Variants in RABGAP1L observed in about 807,000 individuals in gnomAD.
RABGAP1L encodes rab GTPase-activating protein 1-like.
In RABGAP1L, 63 loss-of-function variants were observed where a neutral mutation model predicts 137.7. That is an observed-to-expected ratio of 0.46 (90% CI 0.37 to 0.56). The LOEUF (loss-of-function observed/expected upper bound fraction) is 0.56. Among genes scored for constraint, RABGAP1L ranks in the 20% least tolerant of loss-of-function variants. The pLI is 0.00. For synonymous variants in RABGAP1L, 431 were observed against 433.7 expected, an observed-to-expected ratio of 0.99 and a Z score of 0.08; for missense variants, 1,095 against 1,244.0, an observed-to-expected ratio of 0.88 and a Z score of 1.80.
At chr1:174,483,111 A>G (rs1659281814) in intron 13 of RABGAP1L, among the ~76,000 whole-genome samples, 1 of 152,200 alleles carries the variant, frequency 6.6e-6, no homozygotes, top group East Asian at 1.9e-4. Context: ...CACCTCAAGC[A>G]TTTATCCTTT....
intron 13 of RABGAP1L, among the ~76,000 whole-genome samples, chr1:174,539,560 G>A (rs888364583): frequency 1.6e-4 from 24 of 152,124 alleles, no homozygotes; most frequent in African/African-American, 5.1e-4. Flanking sequence ...TAAAATCCTT[G>A]TGATAGTTTG....
intron 7 of RABGAP1L, among the ~76,000 whole-genome samples, chr1:174,262,622 C>G (rs1428803352): frequency 6.6e-6 from 1 of 152,156 alleles, no homozygotes; most frequent in African/African-American, 2.4e-5. Flanking sequence ...TCTATTGCAG[C>G]TCTTTTTGAA....
rs575557415 is a variant in RABGAP1L at position 174,613,350 on chromosome 1, C to A, written c.1711-24025C>A. On this transcript the variant is annotated intron_variant, in intron 13 of 25. Transcript: ENST00000681986. ...ATTCAGGAGCAGGTTGTTCAGTTTC[C>A]ATGTAGTTGAGTGATTTTGAGTGAG... Among the ~76,000 whole-genome samples the A allele has an allele frequency of 1.9e-3, 296 of 152,184 alleles. 1 individual carries two copies. Among genetic ancestry groups the A allele is most frequent in the African/African-American group, 6.8e-3 (281 of 41,518 alleles).
At chr1:174,523,905 G>C (rs1663648254) in intron 13 of RABGAP1L, among the ~76,000 whole-genome samples, 1 of 152,074 alleles carries the variant, frequency 6.6e-6, no homozygotes, top group African/African-American at 2.4e-5. Flanking sequence ...TTCTCTACCT[G>C]GGTTATTTCA....
chr1:174,797,449 G>C lies in RABGAP1L; in HGVS notation c.2212-14383G>C, dbSNP rs372623422. ...CAAGGTAAAAATGGAGCTGAGGGGAGTGTGTGTGTGTCTAAATGTGCGTGG... is the reference window on the plus strand; with the variant it reads ...CAAGGTAAAAATGGAGCTGAGGGGACTGTGTGTGTGTCTAAATGTGCGTGG... On this transcript the variant is annotated intron_variant, in intron 18 of 25. Transcript: ENST00000681986. 7.9e-5 allele frequency among the ~76,000 whole-genome samples: 12 copies of C among 151,544 alleles called. No individual in the cohort carries two copies. In the East Asian group the frequency reaches 2.1e-3, roughly 27 times the overall value.
intron 13 of RABGAP1L, among the ~76,000 whole-genome samples, chr1:174,540,153 T>C (rs1665254907): frequency 6.6e-6 from 1 of 152,220 alleles, no homozygotes; most frequent in Admixed American, 6.5e-5. Flanking sequence ...TGATTTTTTC[T>C]TGTAAATTTG....
At chr1:174,895,417 C>CT (rs36080842) in intron 19 of RABGAP1L, among the ~76,000 whole-genome samples, 49,483 of 133,316 alleles carry the variant, frequency 0.37, 10,517 homozygotes, top group African/African-American at 0.63. Flanking sequence ...TATTCTAATT[C>CT]TTTTTTTTTT....
intron 13 of RABGAP1L, among the ~76,000 whole-genome samples, chr1:174,513,014 G>A (rs1662493162): frequency 6.6e-6 from 1 of 152,126 alleles, no homozygotes; most frequent in African/African-American, 2.4e-5. Context: ...TTCTCCCTGA[G>A]AATAAGTTTC....
intron 19 of RABGAP1L, among the ~76,000 whole-genome samples, chr1:174,856,443 C>T (rs1373706711): frequency 6.6e-6 from 1 of 151,098 alleles, no homozygotes; most frequent in African/African-American, 2.4e-5. Context: ...ACAACTTGTG[C>T]TCTTATTTTT....
chr1:174,974,857 C>A (rs1670511226), intron 21 of RABGAP1L, among the ~76,000 whole-genome samples: 1 of 152,156 alleles, frequency 6.6e-6, no homozygotes, highest in South Asian at 2.1e-4. Flanking sequence ...CTTGGCCAGT[C>A]CTCAGCAGAC....
intron 1 of RABGAP1L, among the ~76,000 whole-genome samples, chr1:174,164,191 A>G (rs2148194053): frequency 6.6e-6 from 1 of 151,956 alleles, no homozygotes; most frequent in African/African-American, 2.4e-5. Context: ...CAAATGCTAA[A>G]AACCTTGGCA....
At chr1:174,349,915 C>G (rs1682938201) in intron 11 of RABGAP1L, among the ~76,000 whole-genome samples, 1 of 142,216 alleles carries the variant, frequency 7.0e-6, no homozygotes, top group African/African-American at 2.6e-5. Context: ...GGGGCTGACC[C>G]CCCCCCACCT....
At chr1:174,771,332 G>A (rs1384315857) in intron 18 of RABGAP1L, among the ~76,000 whole-genome samples, 3 of 152,140 alleles carry the variant, frequency 2.0e-5, no homozygotes, top group Non-Finnish European at 4.4e-5. Flanking sequence ...GTCAATCTGT[G>A]CTATAGGTGT....
intron 17 of RABGAP1L, chr1:174,705,101 A>G (rs1373109875): frequency 2.0e-5 from 3 of 152,116 alleles, no homozygotes; most frequent in Admixed American, 6.5e-5. Flanking sequence ...GATTAATTTC[A>G]TACTAGATTG....
At chr1:174,531,753 G>C (rs553796481) in intron 13 of RABGAP1L, among the ~76,000 whole-genome samples, 1 of 127,726 alleles carries the variant, frequency 7.8e-6, no homozygotes, top group East Asian at 3.1e-4. Flanking sequence ...CGGGGGTGGG[G>C]GGGGGGAAGA....
At chr1:174,476,008 G>A (rs1658470949) in intron 13 of RABGAP1L, among the ~76,000 whole-genome samples, 1 of 151,862 alleles carries the variant, frequency 6.6e-6, no homozygotes, top group East Asian at 1.9e-4. Context: ...AGAACAATAG[G>A]GTGGGAGTCA....
intron 17 of RABGAP1L, among the ~76,000 whole-genome samples, chr1:174,708,219 G>A (rs545235775): frequency 6.6e-6 from 1 of 152,222 alleles, no homozygotes; most frequent in Admixed American, 6.5e-5. Context: ...GTTTTCAGAA[G>A]TTGTTATCTG....
chr1:174,518,099 C>T (rs919500157), intron 13 of RABGAP1L, among the ~76,000 whole-genome samples: 3 of 152,064 alleles, frequency 2.0e-5, no homozygotes, highest in Admixed American at 6.6e-5. Flanking sequence ...AACAAAAATG[C>T]GCATTAAAAA....
At chr1:174,177,897 T>G (rs1404764463) in intron 1 of RABGAP1L, among the ~76,000 whole-genome samples, 1 of 152,232 alleles carries the variant, frequency 6.6e-6, no homozygotes, top group African/African-American at 2.4e-5. Flanking sequence ...TGTAGTATAG[T>G]TTGAAGGCAG....
Sources: gnomAD v4.1 joint callset for allele counts (sites outside exome capture counted in the v4.1 genomes callset) on GRCh38, gnomAD v4.1.1 for gene constraint, MANE v1.5 for transcripts, NCBI Gene and HGNC (gene_info 2026-07-23, HGNC 2026-07-21) for gene names.